The following UNC13C variants were observed in gnomAD, a reference collection of about 807,000 sequenced individuals.
The protein encoded by UNC13C is protein unc-13 homolog C.
A neutral mutation model predicts 245.4 loss-of-function variants in UNC13C; 174 were observed. The ratio of observed to expected loss-of-function variants is 0.71; its 90% CI spans 0.63 to 0.80. The LOEUF (loss-of-function observed/expected upper bound fraction) is 0.80, where lower values mean the gene tolerates loss of function less well. Ranked by LOEUF, UNC13C falls within the 30% of genes least tolerant of loss-of-function variation. UNC13C has a pLI of 0.00. For missense variants in UNC13C, 2,829 were observed against 2,602.9 expected (o/e 1.09, Z -1.89); for synonymous variants, 992 against 895.1 (o/e 1.11, Z -1.93).
intron 1 of UNC13C, among the ~76,000 whole-genome samples, chr15:53,983,782 A>C (rs1203800733): frequency 1.3e-5 from 2 of 151,926 alleles, no homozygotes; most frequent in Non-Finnish European, 2.9e-5. Context: ...ATTTCCACTA[A>C]CATGTCTCAA....
In UNC13C at chr15:54,143,749, A is replaced by G. The variant is rs902002972; in HGVS notation, c.3071+65A>G. 3.9e-6 allele frequency: 5 copies of G among 1,277,384 alleles called. No homozygotes were observed. The African/African-American group carries it at 7.3e-5, about 19-fold the overall frequency. 79.1% of individuals were successfully genotyped at this position (1,277,384 alleles called of 1,614,324 possible). A position where few individuals can be genotyped will look rare whatever the true frequency, so the allele number is the denominator to read the frequency against. On this transcript the variant is annotated intron_variant, in intron 4 of 32. Transcript: ENST00000260323. ...GATGGCACTTGGCTGTGTTCTCAAC[A>G]TATATGCTTTGAGTGCAAGATGCTG...
upstream of UNC13C, chr15:53,974,727 A>G (rs930147690): frequency 3.7e-5 from 4 of 109,464 alleles, no homozygotes; most frequent in African/African-American, 1.3e-4. Context: ...CAGTTGGAAA[A>G]GTCAAAAGCA....
chr15:54,063,566 A>G lies in UNC13C; in HGVS notation c.2983+47680A>G, dbSNP rs560801283. 2.6e-5 allele frequency among the ~76,000 whole-genome samples: 4 copies of G among 152,138 alleles called. No individual in the cohort carries two copies. In the East Asian group the frequency reaches 5.8e-4, roughly 22 times the overall value. On this transcript the variant is annotated intron_variant, in intron 2 of 32. Coordinates refer to ENST00000260323, the MANE Select transcript of UNC13C (RefSeq NM_001080534.3). ...CTCCCTCACTCATTTTTATTCTCCT[A>G]GATTCAGAACATTGGAGTTTATGGA...
intron 1 of UNC13C, among the ~76,000 whole-genome samples, chr15:54,001,405 C>G (rs1894881285): frequency 6.6e-6 from 1 of 152,270 alleles, no homozygotes. Context: ...GCATGTAACA[C>G]TATAGATTTT....
intron 10 of UNC13C, among the ~76,000 whole-genome samples, chr15:54,270,279 G>A (rs1026718546): frequency 3.9e-5 from 6 of 152,134 alleles, no homozygotes; most frequent in African/African-American, 1.4e-4. Context: ...CATCACAGAT[G>A]AACTCATCCA....
intron 10 of UNC13C, 127 bp downstream of exon 10, chr15:54,265,623 T>G: frequency 1.5e-6 from 1 of 677,204 alleles, no homozygotes; most frequent in Non-Finnish European, 2.2e-6. Flanking sequence ...AATAAAAAAG[T>G]AAAAGTAATG....
chr15:54,585,182 T>C (rs116043510), intron 30 of UNC13C, among the ~76,000 whole-genome samples: 268 of 152,296 alleles, frequency 1.8e-3, no homozygotes, highest in African/African-American at 6.2e-3. Context: ...ATCCTCAGTG[T>C]TGGAGGTAGG....
chr15:54,059,459 A>G (rs1897701903), intron 2 of UNC13C, among the ~76,000 whole-genome samples: 1 of 152,148 alleles, frequency 6.6e-6, no homozygotes, highest in Admixed American at 6.5e-5. Context: ...TCAATGAAAT[A>G]AAAGAGGATA....
At position 54,250,428 on chromosome 15, in the gene UNC13C, C is replaced by T. The variant is rs531463822; in HGVS notation, c.3432C>T (p.Asn1144=). The change falls in exon 8 of 33, where the codon AAC becomes AAT. Residue 1144 remains asparagine (N), a synonymous_variant. Transcript: ENST00000260323. ...KCHEKCQDLL[N]ADCLQRAAEK... is the part of the protein sequence containing the mutation. Reference sequence around the variant, plus strand: ...ACGAAAAGTGTCAGGACCTGCTAAACGCTGACTGCTTGCAGAGTGAGTACT... The same window carrying T: ...ACGAAAAGTGTCAGGACCTGCTAAATGCTGACTGCTTGCAGAGTGAGTACT... 251 of 1,609,790 alleles carry T rather than the reference C, an allele frequency of 1.6e-4. 2 individuals are homozygous for T. The highest frequency in any genetic ancestry group is 1.4e-3 in the South Asian group (125 of 90,352).
intron 2 of UNC13C, among the ~76,000 whole-genome samples, chr15:54,025,146 A>G (rs2141009617): frequency 6.6e-6 from 1 of 152,362 alleles, no homozygotes; most frequent in South Asian, 2.1e-4. Flanking sequence ...TTTATTTAGA[A>G]TAAGTATGTC....
intron 4 of UNC13C, among the ~76,000 whole-genome samples, chr15:54,173,388 A>G (rs1006486077): frequency 1.3e-5 from 2 of 151,146 alleles, no homozygotes; most frequent in Non-Finnish European, 2.9e-5. Context: ...GTTTTCTTCA[A>G]TTTCTCTCTG....
intron 8 of UNC13C, among the ~76,000 whole-genome samples, chr15:54,253,587 T>G (rs2036207252): frequency 6.6e-6 from 1 of 152,164 alleles, no homozygotes; most frequent in Non-Finnish European, 1.5e-5. Context: ...AAAAAGACAT[T>G]TAGAATTCTT....
the UNC13C span, among the ~76,000 whole-genome samples, chr15:53,875,387 AGTCT>A: frequency 2.0e-5 from 3 of 152,136 alleles, no homozygotes; most frequent in African/African-American, 7.2e-5. Flanking sequence ...TGTTCTGCCT[AGTCT>A]GTATGCTCAC....
chr15:54,529,786 C>T (rs760170018), intron 25 of UNC13C, among the ~76,000 whole-genome samples: 1 of 152,144 alleles, frequency 6.6e-6, no homozygotes, highest in Non-Finnish European at 1.5e-5. Flanking sequence ...TCCTTCTCCT[C>T]ATTACCATTC....
At chr15:54,124,437 C>G (rs1346851630) in intron 2 of UNC13C, among the ~76,000 whole-genome samples, 2 of 152,186 alleles carry the variant, frequency 1.3e-5, no homozygotes, top group African/African-American at 4.8e-5. Context: ...CATATGTCCT[C>G]TTTAGTGAAA....
Position 54,297,892 on chromosome 15 carries a change from C to T in UNC13C, c.4070C>T (p.Ala1357Val). The T allele has an allele frequency of 6.2e-7, 1 of 1,607,598 alleles. No homozygotes were observed. Among genetic ancestry groups the T allele is most frequent in the South Asian group, 1.1e-5 (1 of 89,486 alleles). Reference sequence around the variant, plus strand: ...GAGATAAAAGGAGAAGAGAAGGTTGCTCCATATCATATTCAATATACATGT... The same window carrying T: ...GAGATAAAAGGAGAAGAGAAGGTTGTTCCATATCATATTCAATATACATGT... ...NVEIKGEEKV[A>V]PYHIQYTCLH... Residue 1357 changes from alanine (A) to valine (V), a missense_variant, in exon 12 of 33, where the codon GCT becomes GTT. Physicochemically the swap from Ala to Val is moderately conservative, Grantham distance 64. Transcript: ENST00000260323.
At chr15:54,446,386 G>T (rs1890816137) in intron 19 of UNC13C, among the ~76,000 whole-genome samples, 1 of 152,196 alleles carries the variant, frequency 6.6e-6, no homozygotes, top group Non-Finnish European at 1.5e-5. Context: ...ACCTTAGGCA[G>T]TATGGCCATT....
intron 30 of UNC13C, chr15:54,611,623 C>T (rs1416106151): frequency 6.6e-6 from 1 of 152,108 alleles, no homozygotes; most frequent in East Asian, 1.9e-4. Flanking sequence ...TATGCATATA[C>T]TCCTTTGAAA....
the UNC13C span, among the ~76,000 whole-genome samples, chr15:53,971,790 A>T: frequency 6.6e-6 from 1 of 152,252 alleles, no homozygotes; most frequent in East Asian, 1.9e-4. Flanking sequence ...GCATTTCCAG[A>T]GGTAAGTATC....
Sources: allele counts gnomAD v4.1 joint callset (sites outside exome capture counted in the v4.1 genomes callset), GRCh38; gene constraint gnomAD v4.1.1; transcripts MANE v1.5; gene names NCBI Gene and HGNC (gene_info 2026-07-23, HGNC 2026-07-21).